The following GAD1 variants were observed in gnomAD, a reference collection of about 807,000 sequenced individuals.
The protein encoded by GAD1 is 67 kDa glutamic acid decarboxylase.
In GAD1, 35 loss-of-function variants were observed where a neutral mutation model predicts 75.2. The observed-to-expected ratio is 0.47, with a 90% CI of 0.36 to 0.62. The LOEUF (loss-of-function observed/expected upper bound fraction) is 0.62. GAD1 is among the 20% of genes least tolerant of loss of function. The pLI is 0.00. For missense variants in GAD1, 490 were observed against 758.5 expected (o/e 0.65, Z 4.16); for synonymous variants, 257 against 271.9 (o/e 0.95, Z 0.54).
rs1337737257 is a variant in GAD1 at position 170,821,175 on chromosome 2, G to A, written c.83-912G>A. 2.0e-5 allele frequency among the ~76,000 whole-genome samples: 3 copies of A among 152,300 alleles called. No individual in the cohort carries two copies. The East Asian group carries it at 5.8e-4, about 29-fold the overall frequency. On this transcript the variant is annotated intron_variant, in intron 2 of 16. Transcript: ENST00000358196. ...TGGAGAGGTTTGCTTTGAGAGATTG[G>A]AAGGGGATTTCGTGCTGGGCTCACC... is the stretch of plus-strand genomic sequence containing the variant.
intron 13 of GAD1, 125 bp downstream of exon 13, chr2:170,852,917 A>G (rs1702776298): frequency 1.3e-5 from 10 of 783,144 alleles, no homozygotes; most frequent in Admixed American, 2.1e-5. Context: ...CCACTGAGAG[A>G]CTACTGCTGC....
Position 170,860,125 on chromosome 2 carries a change from T to C in GAD1, c.*243T>C, listed in dbSNP as rs1702933912. 2 of 490,384 alleles carry C rather than the reference T, an allele frequency of 4.1e-6. No individual in the cohort carries two copies. Among genetic ancestry groups the C allele is most frequent in the Non-Finnish European group, 7.4e-6 (2 of 268,702 alleles). 30.4% of individuals were successfully genotyped at this position (490,384 alleles called of 1,614,324 possible). A position where few individuals can be genotyped will look rare whatever the true frequency, so the allele number is the denominator to read the frequency against. On this transcript the variant is annotated 3_prime_UTR_variant, in exon 17 of 17. Transcript: ENST00000358196. Reference sequence around the variant, plus strand: ...GTACAGTTATACATACCTCTCTCTATATATACATGTATAGTGAGTGTGGCT... The same window carrying C: ...GTACAGTTATACATACCTCTCTCTACATATACATGTATAGTGAGTGTGGCT...
chr2:170,824,298 C>T (rs1575425593), intron 3 of GAD1, among the ~76,000 whole-genome samples: 1 of 152,060 alleles, frequency 6.6e-6, no homozygotes, highest in Non-Finnish European at 1.5e-5. Flanking sequence ...CTTGAGACAA[C>T]TTTGGCTTTC....
At chr2:170,848,845 A>T (rs1702692591) in intron 11 of GAD1, 1 of 516,896 alleles carries the variant, frequency 1.9e-6, no homozygotes, top group Admixed American at 2.0e-5. Context: ...AGACCTCCAA[A>T]CCCAGCAGGA....
chr2:170,826,567 C>CAAAAAA, intron 3 of GAD1, among the ~76,000 whole-genome samples: 1 of 110,884 alleles, frequency 9.0e-6, no homozygotes, highest in Non-Finnish European at 1.7e-5. Flanking sequence ...GACTCCGTCT[C>CAAAAAA]AAAAAAAAAA....
chr2:170,852,837 A>G, intron 13 of GAD1, 45 bp downstream of exon 13: 1 of 1,558,252 alleles, frequency 6.4e-7, no homozygotes, highest in Non-Finnish European at 8.9e-7. Flanking sequence ...TACGTTCTTT[A>G]GAAAGCACAA....
intron 14 of GAD1, 88 bp from the exon 15 acceptor site, chr2:170,856,930 A>T: frequency 1.9e-6 from 2 of 1,039,252 alleles, no homozygotes; most frequent in Admixed American, 1.7e-5. Flanking sequence ...TTTTTTGTTT[A>T]TTTCCCATAG....
chr2:170,831,781 T>C (rs1452975730), intron 5 of GAD1, among the ~76,000 whole-genome samples: 1 of 145,118 alleles, frequency 6.9e-6, no homozygotes, highest in Non-Finnish European at 1.5e-5. Flanking sequence ...ATAATATTTA[T>C]ATTATATATT....
chr2:170,849,229 T>A lies in GAD1; in HGVS notation c.1120-57T>A. The A allele has an allele frequency of 2.0e-6, 3 of 1,484,384 alleles. No homozygotes were observed. The South Asian group carries it at 3.4e-5, about 17-fold the overall frequency. 92.0% of individuals were successfully genotyped at this position (1,484,384 alleles called of 1,614,324 possible). On this transcript the variant is annotated intron_variant, in intron 11 of 16. Coordinates refer to ENST00000358196, the MANE Select transcript of GAD1 (RefSeq NM_000817.3). ...TTTAGTAGAAGTGAGGACTGACTAG[T>A]TTTAGATTCTTAAATGTCACTGCTC...
chr2:170,831,468 A>G (rs1702221301), intron 5 of GAD1, among the ~76,000 whole-genome samples: 1 of 151,838 alleles, frequency 6.6e-6, no homozygotes, highest in African/African-American at 2.4e-5. Flanking sequence ...AAGAGTTTTC[A>G]TTCTGGCCAA....
Position 170,853,567 on chromosome 2 carries a change from A to G in GAD1, c.1264-306A>G, listed in dbSNP as rs766567137. 1.8e-4 allele frequency: 63 copies of G among 357,658 alleles called. No individual in the cohort carries two copies. Among genetic ancestry groups the G allele is most frequent in the Middle Eastern group, 8.8e-4 (1 of 1,140 alleles). The allele number at this position is 357,658 out of a possible 1,614,324, so 22.2% of individuals were successfully genotyped here. On this transcript the variant is annotated intron_variant, in intron 13 of 16. Transcript: ENST00000358196. This position sits in a 1 kb window ranked among gnomAD's most constrained non-coding sequence, Gnocchi z 4.1. ...AATTTTCTATCTCTAACCCTGGCCC[A>G]CTGAATGCCGTAGCACTTCCCAATC...
At chr2:170,856,021 G>C (rs907817219) in intron 14 of GAD1, among the ~76,000 whole-genome samples, 1 of 152,136 alleles carries the variant, frequency 6.6e-6, no homozygotes, top group Non-Finnish European at 1.5e-5. Flanking sequence ...ATCTGCTGCA[G>C]GTTTTGACCA....
chr2:170,828,244 C>CGT, intron 3 of GAD1, among the ~76,000 whole-genome samples: 1 of 134,884 alleles, frequency 7.4e-6, no homozygotes, highest in Non-Finnish European at 1.6e-5. Flanking sequence ...CTGTCCTCAC[C>CGT]CCTCCTCTCT....
intron 3 of GAD1, among the ~76,000 whole-genome samples, chr2:170,822,835 G>T (rs1280909283): frequency 1.3e-5 from 2 of 152,238 alleles, no homozygotes; most frequent in East Asian, 3.9e-4. Flanking sequence ...CCTTGAAGGC[G>T]AGGAGGGAAG....
chr2:170,844,223 G>T, intron 7 of GAD1, 66 bp downstream of exon 7: 1 of 923,568 alleles, frequency 1.1e-6, no homozygotes, highest in Non-Finnish European at 1.8e-6. Flanking sequence ...TATGAAGTAG[G>T]TTTATGGAAG....
Position 170,818,560 on chromosome 2 carries a change from T to C in GAD1, c.-32T>C, listed in dbSNP as rs1371195228. On this transcript the variant is annotated 5_prime_UTR_variant, in exon 2 of 17. Transcript: ENST00000358196. The surrounding 1 kb of genome is among the most constrained non-coding windows in gnomAD (Gnocchi z 5.9). ...TCTGCGCCGGACCAGTCGAGGACTCTGGACAGTAGAGGCCCCGGGACGACC... is the reference window on the plus strand; with the variant it reads ...TCTGCGCCGGACCAGTCGAGGACTCCGGACAGTAGAGGCCCCGGGACGACC... 9 of 1,605,650 alleles carry C rather than the reference T, an allele frequency of 5.6e-6. No homozygotes were observed. Among genetic ancestry groups the C allele is most frequent in the South Asian group, 1.1e-5 (1 of 90,920 alleles).
intron 14 of GAD1, among the ~76,000 whole-genome samples, chr2:170,854,463 C>T (rs1485511571): frequency 6.9e-6 from 1 of 145,792 alleles, no homozygotes; most frequent in Non-Finnish European, 1.5e-5. Context: ...TGCAGTGGCG[C>T]GATCTCGGCT....
chr2:170,842,470 T>C (rs1702537556), intron 6 of GAD1: 1 of 1,074,268 alleles, frequency 9.3e-7, no homozygotes, highest in Non-Finnish European at 1.5e-6. Flanking sequence ...ATAACACATT[T>C]GTTCAAGAAT....
At chr2:170,819,087 C>T (rs2105750968) in intron 2 of GAD1, among the ~76,000 whole-genome samples, 2 of 152,232 alleles carry the variant, frequency 1.3e-5, no homozygotes, top group Middle Eastern at 3.4e-3. Flanking sequence ...AAGATCTGAC[C>T]TCCTCCTTTC....
Sources: gnomAD v4.1 joint callset for allele counts (sites outside exome capture counted in the v4.1 genomes callset) on GRCh38, gnomAD v4.1.1 for gene constraint, Gnocchi (gnomAD v3.1) non-coding constraint, MANE v1.5 for transcripts, NCBI Gene and HGNC (gene_info 2026-07-23, HGNC 2026-07-21) for gene names.